Variants in JPT1 observed in about 807,000 individuals in gnomAD.
JPT1 encodes androgen-regulated protein 2.
Under a neutral mutation model 17.0 loss-of-function variants are expected in JPT1, and 5 were observed. That is an observed-to-expected ratio of 0.29 (90% confidence interval 0.15 to 0.62). The LOEUF is 0.62. Ranked by LOEUF, JPT1 falls within the 20% of genes least tolerant of loss-of-function variation. The probability of loss-of-function intolerance (pLI) is 0.85; values close to 1 mark genes in which losing one functional copy is unlikely to be tolerated. For synonymous variants in JPT1, 71 were observed against 73.6 expected (o/e 0.96, Z 0.18); for missense variants, 158 against 188.1 (o/e 0.84, Z 0.94).
intron 4 of JPT1, chr17:75,142,690 A>G: frequency 1.2e-5 from 4 of 343,714 alleles, no homozygotes; most frequent in African/African-American, 4.2e-5. Flanking sequence ...AGGGATGAGA[A>G]GGGAGGGGAG....
chr17:75,135,746 T>C lies in JPT1; in HGVS notation c.*356A>G, dbSNP rs2074180511. On this transcript the variant is annotated 3_prime_UTR_variant, in exon 5 of 5. Transcript: ENST00000409753. The stretch of plus-strand genomic sequence containing the variant: ...TGGCAGGAACGGTGCCTGTGGACTG[T>C]TTATGGTCTGTCCAGTTGAGGCTTG... 2.7e-6 allele frequency: 1 copy of C among 376,172 alleles called. No individual in the cohort carries two copies. The highest frequency in any genetic ancestry group is 2.0e-5 in the African/African-American group (1 of 49,208). 23.3% of individuals were successfully genotyped at this position (376,172 alleles called of 1,614,324 possible).
intron 1 of JPT1, among the ~76,000 whole-genome samples, chr17:75,149,699 CCTT>C (rs1293750513): frequency 2.6e-5 from 4 of 152,106 alleles, no homozygotes; most frequent in Non-Finnish European, 4.4e-5. Context: ...AAAATCACTT[CCTT>C]CTTATTTTCA....
Position 75,144,022 on chromosome 17 carries a change from T to TA in JPT1, c.316+2643dup, listed in dbSNP as rs1243569374. On this transcript the variant is annotated intron_variant, in intron 4 of 4. Transcript: ENST00000409753. ...CCTGGTTAAGACCAAAACCCAGTCT[T>TA]AAAAAAACACCCAGAAGGATGGATT... 9.9e-5 allele frequency among the ~76,000 whole-genome samples: 15 copies of TA among 150,922 alleles called. No individual in the cohort carries two copies. In the South Asian group the frequency reaches 2.6e-3, roughly 26 times the overall value.
At chr17:75,140,763 C>T (rs900706579) in intron 4 of JPT1, among the ~76,000 whole-genome samples, 1 of 151,896 alleles carries the variant, frequency 6.6e-6, no homozygotes, top group Admixed American at 6.6e-5. Flanking sequence ...CAGGACCAGC[C>T]GGGGGAAACA....
At chr17:75,136,329 C>CTTT in intron 4 of JPT1, 79 bp from the exon 5 acceptor site, 4 of 1,257,334 alleles carry the variant, frequency 3.2e-6, no homozygotes, top group South Asian at 1.8e-5. Context: ...TTCTCTTTTT[C>CTTT]TTTTTTTTTT....
At chr17:75,149,189 TAA>T in intron 1 of JPT1, 1 of 415,024 alleles carries the variant, frequency 2.4e-6, no homozygotes, top group Non-Finnish European at 4.5e-6. Flanking sequence ...CGTGTCTCTA[TAA>T]AAAAAAAATT....
chr17:75,141,920 A>G (rs2074318182), intron 4 of JPT1, among the ~76,000 whole-genome samples: 1 of 151,306 alleles, frequency 6.6e-6, no homozygotes, highest in Admixed American at 6.6e-5. Flanking sequence ...AGTAAAAAAA[A>G]TAGCCAGCTG....
At chr17:75,141,115 C>T (rs965737115) in intron 4 of JPT1, 2 of 152,412 alleles carry the variant, frequency 1.3e-5, no homozygotes, top group African/African-American at 4.8e-5. Flanking sequence ...AACAAAACCA[C>T]AAAAATTAGC....
intron 1 of JPT1, 47 bp downstream of exon 1, chr17:75,154,295 C>A: frequency 6.1e-6 from 9 of 1,476,298 alleles, no homozygotes; most frequent in Non-Finnish European, 8.1e-6. Flanking sequence ...AGCGGCCCTC[C>A]CAGCCCCTCA....
chr17:75,144,770 T>C (rs979920727), intron 4 of JPT1, among the ~76,000 whole-genome samples: 36 of 152,004 alleles, frequency 2.4e-4, no homozygotes, highest in African/African-American at 8.7e-4. Flanking sequence ...GTGTGGAAAC[T>C]GGATTGGAGG....
At chr17:75,149,229 G>A (rs1000959719) in intron 1 of JPT1, 2 of 391,736 alleles carry the variant, frequency 5.1e-6, no homozygotes, top group East Asian at 7.4e-5. Context: ...AGTGGCGCAT[G>A]CCTGTGGTCC....
At chr17:75,142,920 C>T in intron 4 of JPT1, 1 of 392,494 alleles carries the variant, frequency 2.5e-6, no homozygotes, top group South Asian at 1.8e-5. Flanking sequence ...TTTTTGTCCA[C>T]AGCTACTGGC....
intron 4 of JPT1, among the ~76,000 whole-genome samples, chr17:75,137,148 C>G (rs183749176): frequency 2.7e-4 from 41 of 152,160 alleles, no homozygotes; most frequent in Non-Finnish European, 8.8e-5. Context: ...TTATCCAATT[C>G]TCTGACAGCA....
At chr17:75,148,726 T>C (rs2074488021) in intron 1 of JPT1, 55 bp from the exon 2 acceptor site, 2 of 1,596,782 alleles carry the variant, frequency 1.3e-6, no homozygotes, top group Non-Finnish European at 1.7e-6. Context: ...TTTCTTGGCA[T>C]AAATCTTTTC....
intron 4 of JPT1, chr17:75,142,828 G>A: frequency 4.4e-6 from 2 of 454,868 alleles, no homozygotes; most frequent in South Asian, 1.6e-5. Flanking sequence ...TACATCTTCG[G>A]TCCAATGCAA....
intron 4 of JPT1, chr17:75,142,877 T>A (rs2074354102): frequency 2.5e-6 from 1 of 397,376 alleles, no homozygotes; most frequent in African/African-American, 2.2e-5. Context: ...TACATACGTA[T>A]ATGAAAATAC....
intron 2 of JPT1, among the ~76,000 whole-genome samples, chr17:75,148,169 T>A (rs1311824007): frequency 6.6e-6 from 1 of 152,216 alleles, no homozygotes; most frequent in African/African-American, 2.4e-5. Context: ...GTATTTCCCA[T>A]TTCTTTCCTC....
At chr17:75,141,638 T>C (rs149910966) in intron 4 of JPT1, among the ~76,000 whole-genome samples, 2 of 147,970 alleles carry the variant, frequency 1.4e-5, no homozygotes, top group Non-Finnish European at 3.0e-5. Context: ...GGCGACAGAG[T>C]GAGACTCTCA....
chr17:75,148,152 C>A (rs2074476879), intron 2 of JPT1, among the ~76,000 whole-genome samples: 1 of 152,204 alleles, frequency 6.6e-6, no homozygotes, highest in African/African-American at 2.4e-5. Context: ...CATCACACAG[C>A]CTCTCAGTAT....
Sources: gnomAD v4.1 joint callset for allele counts (sites outside exome capture counted in the v4.1 genomes callset) on GRCh38, gnomAD v4.1.1 for gene constraint, MANE v1.5 for transcripts, NCBI Gene and HGNC (gene_info 2026-07-23, HGNC 2026-07-21) for gene names.